Variants in ADGRL2 observed in about 807,000 individuals in gnomAD.
The protein encoded by ADGRL2 is calcium-independent alpha-latrotoxin receptor 2.
ADGRL2 carries 44 observed loss-of-function variants against 157.4 expected under a neutral mutation model. The ratio of observed to expected loss-of-function variants is 0.28; its 90% CI spans 0.22 to 0.36. The LOEUF is 0.36. ADGRL2 is among the 10% of genes least tolerant of loss of function. The pLI, the probability that ADGRL2 is intolerant of heterozygous loss-of-function variation, is 1.00. For synonymous variants in ADGRL2, 585 were observed against 624.7 expected (o/e 0.94, Z 0.95); for missense variants, 1,510 against 1,768.9 (o/e 0.85, Z 2.63).
chr1:81,703,858 T>C (rs2083650390), intron 1 of ADGRL2, among the ~76,000 whole-genome samples: 1 of 152,158 alleles, frequency 6.6e-6, no homozygotes, highest in African/African-American at 2.4e-5. Flanking sequence ...GTTCTTTTGT[T>C]TGTTTGTTTT....
rs1434121090 is a variant in ADGRL2 at position 81,992,961 on chromosome 1, A to G, written c.*1816A>G. 6.7e-6 allele frequency among the ~76,000 whole-genome samples: 1 copy of G among 149,100 alleles called. No individual in the cohort carries two copies. The highest frequency in any genetic ancestry group is 1.5e-5 in the Non-Finnish European group (1 of 67,548). On this transcript the variant is annotated 3_prime_UTR_variant, in exon 24 of 24. Transcript: ENST00000686636. ...TGGTTTGCTATAATTCTCAAATACTACCACTAGCTTATAAATCACTTTTAT... is the reference window on the plus strand; with the variant it reads ...TGGTTTGCTATAATTCTCAAATACTGCCACTAGCTTATAAATCACTTTTAT...
chr1:81,363,486 C>G (rs2076012632), intron 1 of ADGRL2, among the ~76,000 whole-genome samples: 1 of 152,026 alleles, frequency 6.6e-6, no homozygotes, highest in Non-Finnish European at 1.5e-5. Flanking sequence ...ACAGGACTAT[C>G]CACTGGGTAG....
intron 1 of ADGRL2, among the ~76,000 whole-genome samples, chr1:81,403,822 G>A (rs1328403204): frequency 2.8e-5 from 4 of 140,412 alleles, no homozygotes; most frequent in Admixed American, 7.3e-5. Flanking sequence ...TTTTGAGACA[G>A]AATCACACTC....
At chr1:81,669,696 A>T (rs1278470063) in intron 3 of ADGRL2, among the ~76,000 whole-genome samples, 1 of 152,164 alleles carries the variant, frequency 6.6e-6, no homozygotes, top group East Asian at 1.9e-4. Flanking sequence ...TAATCCCAGC[A>T]CTTTGGGAGG....
chr1:81,931,219 G>A (rs190756015), intron 3 of ADGRL2, among the ~76,000 whole-genome samples: 1 of 152,216 alleles, frequency 6.6e-6, no homozygotes, highest in African/African-American at 2.4e-5. Flanking sequence ...GACCTATAAA[G>A]CAAGACTTTT....
chr1:81,473,417 T>C (rs1172027631), intron 2 of ADGRL2, among the ~76,000 whole-genome samples: 1 of 152,152 alleles, frequency 6.6e-6, no homozygotes, highest in East Asian at 1.9e-4. Context: ...AATAATGTAG[T>C]GTGAAAAAAA....
At chr1:81,541,906 C>T (rs1339448019) in intron 2 of ADGRL2, among the ~76,000 whole-genome samples, 4 of 152,018 alleles carry the variant, frequency 2.6e-5, no homozygotes, top group East Asian at 1.9e-4. Flanking sequence ...TGCGGTGAGC[C>T]GAGATCACTC....
chr1:81,836,923 A>T lies in ADGRL2; in HGVS notation c.-62A>T. Reference sequence around the variant, plus strand: ...TGATGCAGACTGATGGTTTTGATGAAGCTGGGCATTTATAACTAGATTCAT... The same window carrying T: ...TGATGCAGACTGATGGTTTTGATGATGCTGGGCATTTATAACTAGATTCAT... On this transcript the variant is annotated 5_prime_UTR_variant, in exon 2 of 24. It adds an upstream start codon to the 5' untranslated region. Transcript: ENST00000686636. The T allele has an allele frequency of 1.1e-6, 1 of 942,960 alleles. No individual in the cohort carries two copies. Among genetic ancestry groups the T allele is most frequent in the Non-Finnish European group, 1.6e-6 (1 of 607,762 alleles). The allele number at this position is 942,960 out of a possible 1,614,324, so 58.4% of individuals were successfully genotyped here. A position where few individuals can be genotyped will look rare whatever the true frequency, so the allele number is the denominator to read the frequency against.
intron 3 of ADGRL2, among the ~76,000 whole-genome samples, chr1:81,603,256 CA>C (rs1168962151): frequency 2.0e-4 from 31 of 152,028 alleles, no homozygotes; most frequent in Admixed American, 2.0e-3. Flanking sequence ...CTCAGTGGGC[CA>C]TTTGTTCTTT....
At chr1:81,724,212 T>C (rs1459809711) in intron 1 of ADGRL2, among the ~76,000 whole-genome samples, 3 of 152,164 alleles carry the variant, frequency 2.0e-5, no homozygotes, top group African/African-American at 4.8e-5. Context: ...TGCTTACTTA[T>C]GTGTTAGACT....
chr1:81,653,799 A>G (rs548486992), intron 3 of ADGRL2, among the ~76,000 whole-genome samples: 28 of 152,288 alleles, frequency 1.8e-4, no homozygotes, highest in Non-Finnish European at 2.6e-4. Flanking sequence ...CATATTTGTT[A>G]TGTAGAGCTC....
chr1:81,639,299 G>C (rs2082171853), intron 3 of ADGRL2, among the ~76,000 whole-genome samples: 1 of 152,106 alleles, frequency 6.6e-6, no homozygotes, highest in Non-Finnish European at 1.5e-5. Context: ...TCGAACTCCT[G>C]ACCTCAGGTG....
At position 81,612,901 on chromosome 1, in the gene ADGRL2, C is replaced by G. The variant is rs1310873899; in HGVS notation, c.-143+31921C>G. Among the ~76,000 whole-genome samples, 3 of 152,078 alleles carry G rather than the reference C, an allele frequency of 2.0e-5. No homozygotes were observed. The East Asian group carries it at 5.8e-4, about 29-fold the overall frequency. ...CTGTCAGGATGACTGTTAACAAAAACACATAATTAGCACTCATTAAATGTT... is the reference window on the plus strand; with the variant it reads ...CTGTCAGGATGACTGTTAACAAAAAGACATAATTAGCACTCATTAAATGTT... On this transcript the variant is annotated intron_variant, in intron 3 of 24. Coordinates refer to the ADGRL2 transcript ENST00000370721.
intron 2 of ADGRL2, among the ~76,000 whole-genome samples, chr1:81,454,974 T>A (rs2077773836): frequency 6.6e-6 from 1 of 152,102 alleles, no homozygotes; most frequent in African/African-American, 2.4e-5. Flanking sequence ...AGACCATAGG[T>A]GTAAGGCCAG....
intron 3 of ADGRL2, among the ~76,000 whole-genome samples, chr1:81,634,566 G>A (rs182433911): frequency 3.3e-3 from 495 of 148,106 alleles, no homozygotes; most frequent in Middle Eastern, 6.9e-3. Context: ...ATGGAGTCTC[G>A]CTCTGTCACC....
At chr1:81,678,268 T>C (rs531925300) in intron 3 of ADGRL2, among the ~76,000 whole-genome samples, 2 of 152,294 alleles carry the variant, frequency 1.3e-5, no homozygotes, top group African/African-American at 4.8e-5. Context: ...GAATTAACAA[T>C]TGAGAACAAC....
At chr1:81,646,973 A>G (rs1403236859) in intron 3 of ADGRL2, among the ~76,000 whole-genome samples, 1 of 152,234 alleles carries the variant, frequency 6.6e-6, no homozygotes. Context: ...TCAACAAACA[A>G]AACAACATTT....
At position 81,913,859 on chromosome 1, in the gene ADGRL2, T is replaced by A. The variant is rs576687310; in HGVS notation, c.287+6629T>A. ...TCATTCATTTAATATCTTACTGGCA[T>A]GAAAATGTATTCATAAATAACTTTG... On this transcript the variant is annotated intron_variant, in intron 3 of 23. Transcript: ENST00000686636. Among the ~76,000 whole-genome samples, 5 of 152,294 alleles carry A rather than the reference T, an allele frequency of 3.3e-5. No individual in the cohort carries two copies. In the South Asian group the frequency reaches 1.0e-3, roughly 32 times the overall value.
At chr1:81,596,180 T>A (rs1004501082) in intron 3 of ADGRL2, 1 of 517,358 alleles carries the variant, frequency 1.9e-6, no homozygotes, top group Non-Finnish European at 3.7e-6. Flanking sequence ...ACTTCCACTT[T>A]AACTCCTGGC....
Sources: allele counts gnomAD v4.1 joint callset (sites outside exome capture counted in the v4.1 genomes callset), GRCh38; gene constraint gnomAD v4.1.1; transcripts MANE v1.5; gene names NCBI Gene and HGNC (gene_info 2026-07-23, HGNC 2026-07-21).